SPHKAP: variants seen among roughly 807,000 people sequenced by gnomAD.
The protein encoded by SPHKAP is A-kinase anchor protein SPHKAP.
In SPHKAP, 67 loss-of-function variants were observed where a neutral mutation model predicts 137.5. The ratio of observed to expected loss-of-function variants is 0.49; its 90% CI spans 0.40 to 0.60. The LOEUF is 0.60. SPHKAP is among the 20% of genes least tolerant of loss of function. The pLI is 0.00. For synonymous variants in SPHKAP, 813 were observed against 785.3 expected (o/e 1.04, Z -0.59); for missense variants, 2,097 against 2,069.3 (o/e 1.01, Z -0.26).
At chr2:228,015,967 A>G (rs1398002180) in intron 7 of SPHKAP, among the ~76,000 whole-genome samples, 1 of 152,202 alleles carries the variant, frequency 6.6e-6, no homozygotes, top group Non-Finnish European at 1.5e-5. Flanking sequence ...TGCATCATAT[A>G]CTATTAATAT....
At chr2:228,131,638 AATAT>A (rs568600873) in intron 2 of SPHKAP, 143 of 324,342 alleles carry the variant, frequency 4.4e-4, no homozygotes, top group African/African-American at 2.8e-3. Context: ...TTAGTAACTT[AATAT>A]AATATGTTGA....
chr2:228,022,099 G>A, intron 5 of SPHKAP, 133 bp from the exon 6 acceptor site: 2 of 1,323,452 alleles, frequency 1.5e-6, no homozygotes, highest in South Asian at 2.4e-5. Context: ...AATGTCTTCT[G>A]GAATTATATT....
At chr2:228,131,708 A>G (rs4246653) in intron 2 of SPHKAP, 255,602 of 808,384 alleles carry the variant, frequency 0.32, 40,601 homozygotes, top group East Asian at 0.49. Flanking sequence ...ACTGTTATTC[A>G]TGGCTAAGTT....
intron 1 of SPHKAP, among the ~76,000 whole-genome samples, chr2:228,174,104 A>C (rs905194667): frequency 7.9e-5 from 12 of 152,160 alleles, no homozygotes; most frequent in Non-Finnish European, 1.8e-4. Context: ...TTTCTAATTC[A>C]CATGCTAAAC....
chr2:228,172,793 G>A (rs1214842718), intron 1 of SPHKAP, among the ~76,000 whole-genome samples: 1 of 152,156 alleles, frequency 6.6e-6, no homozygotes, highest in Admixed American at 6.6e-5. Context: ...GCCACAACCT[G>A]AAATCTGTTA....
intron 3 of SPHKAP, among the ~76,000 whole-genome samples, chr2:228,041,174 A>ACTATT (rs1341789693): frequency 6.6e-6 from 1 of 152,094 alleles, no homozygotes; most frequent in African/African-American, 2.4e-5. Context: ...CTCTAGTGTG[A>ACTATT]CTATTCTCTG....
chr2:228,071,136 G>C (rs1696992516), intron 3 of SPHKAP, among the ~76,000 whole-genome samples: 1 of 152,092 alleles, frequency 6.6e-6, no homozygotes, highest in Non-Finnish European at 1.5e-5. Flanking sequence ...CTAGGCTTAG[G>C]GGTTAGCAGC....
intron 3 of SPHKAP, among the ~76,000 whole-genome samples, chr2:228,043,378 G>A (rs1695921774): frequency 6.6e-6 from 1 of 152,220 alleles, no homozygotes; most frequent in African/African-American, 2.4e-5. Context: ...CCAGGCTGGA[G>A]TGCAGTGGCA....
Position 228,026,535 on chromosome 2 carries a change from T to A in SPHKAP, c.306+949A>T, listed in dbSNP as rs566724367. 2.0e-5 allele frequency among the ~76,000 whole-genome samples: 3 copies of A among 152,306 alleles called. No homozygotes were observed. The East Asian group carries it at 5.8e-4, about 29-fold the overall frequency. On this transcript the variant is annotated intron_variant, in intron 4 of 11. Transcript: ENST00000392056. ...TCAGTGCCAAGGTGTCTGCATGCTC[T>A]TAGCCATAGCAGACAATTATTTCAA... is the stretch of plus-strand genomic sequence containing the variant.
chr2:228,083,808 C>T (rs1308989941), intron 3 of SPHKAP, among the ~76,000 whole-genome samples: 1 of 152,054 alleles, frequency 6.6e-6, no homozygotes, highest in Non-Finnish European at 1.5e-5. Context: ...TGGAAGCCAT[C>T]ATTCTCAGCA....
At chr2:228,165,962 G>C (rs181171387) in intron 1 of SPHKAP, among the ~76,000 whole-genome samples, 1 of 152,082 alleles carries the variant, frequency 6.6e-6, no homozygotes, top group East Asian at 1.9e-4. Flanking sequence ...GAAGATGAAG[G>C]ATTTCCAAAA....
intron 11 of SPHKAP, 63 bp from the exon 12 acceptor site, chr2:227,981,923 A>C: frequency 6.5e-7 from 1 of 1,544,510 alleles, no homozygotes; most frequent in Non-Finnish European, 8.7e-7. Context: ...CACCTCATTC[A>C]ACCACCCTCG....
chr2:228,152,477 A>G (rs1160534943), intron 1 of SPHKAP, among the ~76,000 whole-genome samples: 2 of 152,066 alleles, frequency 1.3e-5, no homozygotes, highest in African/African-American at 2.4e-5. Flanking sequence ...ATATTTTTCC[A>G]TACTTATTAG....
At chr2:228,060,662 G>A (rs1696602532) in intron 3 of SPHKAP, among the ~76,000 whole-genome samples, 1 of 152,180 alleles carries the variant, frequency 6.6e-6, no homozygotes, top group South Asian at 2.1e-4. Flanking sequence ...TGATATATTT[G>A]TAGTCAAATC....
intron 3 of SPHKAP, among the ~76,000 whole-genome samples, chr2:228,088,223 A>T (rs1559166526): frequency 6.6e-6 from 1 of 152,180 alleles, no homozygotes; most frequent in Non-Finnish European, 1.5e-5. Flanking sequence ...TAATAGGCAT[A>T]AAATTATAAT....
At chr2:227,982,443 T>A in intron 11 of SPHKAP, 1 of 845,550 alleles carries the variant, frequency 1.2e-6, no homozygotes, top group Non-Finnish European at 1.4e-6. Context: ...CTTAGATTTG[T>A]CACCTGGGTA....
At chr2:228,061,058 C>T (rs998710771) in intron 3 of SPHKAP, among the ~76,000 whole-genome samples, 5 of 151,988 alleles carry the variant, frequency 3.3e-5, no homozygotes, top group South Asian at 2.1e-4. Flanking sequence ...TACTCCATTT[C>T]GATATGTGTG....
intron 1 of SPHKAP, 60 bp from the exon 2 acceptor site, chr2:228,132,145 A>G: frequency 7.3e-7 from 1 of 1,364,162 alleles, no homozygotes; most frequent in Non-Finnish European, 1.0e-6. Flanking sequence ...ATTTGGAAAT[A>G]AATAATAAGT....
In SPHKAP at chr2:228,074,726, CTT is replaced by C. The variant is rs549717522; in HGVS notation, c.246+34104_246+34105del. The stretch of plus-strand genomic sequence containing the variant: ...AGTACACCCTTCATAGTTTGTAACT[CTT>C]TTATTTCCTTTGAGTCTGCTTTTCT... On this transcript the variant is annotated intron_variant, in intron 3 of 11. Coordinates refer to ENST00000392056, the MANE Select transcript of SPHKAP (RefSeq NM_001142644.2). 6.6e-5 allele frequency among the ~76,000 whole-genome samples: 10 copies of C among 152,288 alleles called. No individual in the cohort carries two copies. In the East Asian group the frequency reaches 1.9e-3, roughly 29 times the overall value.
Sources: allele counts gnomAD v4.1 joint callset (sites outside exome capture counted in the v4.1 genomes callset), GRCh38; gene constraint gnomAD v4.1.1; transcripts MANE v1.5; gene names NCBI Gene and HGNC (gene_info 2026-07-23, HGNC 2026-07-21).